The following COLEC12 variants were observed in gnomAD, a reference collection of about 807,000 sequenced individuals.
COLEC12 encodes collectin subfamily member 12.
In COLEC12, 33 loss-of-function variants were observed where a neutral mutation model predicts 71.1. The observed-to-expected ratio is 0.46, with a 90% CI of 0.35 to 0.62. COLEC12 has a LOEUF of 0.62. Ranked by LOEUF, COLEC12 falls within the 20% of genes least tolerant of loss-of-function variation. The pLI is 0.00. For missense variants in COLEC12, 765 were observed against 916.1 expected (o/e 0.84, Z 2.13); for synonymous variants, 350 against 353.0 (o/e 0.99, Z 0.10).
At chr18:453,121 C>G (rs1159365341) in intron 2 of COLEC12, among the ~76,000 whole-genome samples, 1 of 152,164 alleles carries the variant, frequency 6.6e-6, no homozygotes, top group Non-Finnish European at 1.5e-5. Flanking sequence ...GCTTCTTTCT[C>G]CACCCCAGTC....
intron 2 of COLEC12, among the ~76,000 whole-genome samples, chr18:359,108 A>G (rs1273714945): frequency 6.6e-6 from 1 of 152,158 alleles, no homozygotes; most frequent in Non-Finnish European, 1.5e-5. Flanking sequence ...AAAAAATCCT[A>G]TTGATTGGTC....
At position 327,249 on chromosome 18, in the gene COLEC12, A is replaced by T. The variant is rs1039954241; in HGVS notation, c.2063+4419T>A. Among the ~76,000 whole-genome samples the T allele has an allele frequency of 1.3e-5, 2 of 151,990 alleles. No homozygotes were observed. The highest frequency in any genetic ancestry group is 2.4e-5 in the African/African-American group (1 of 41,374). ...TGGAAATAATTATAGGTTTATTATT[A>T]TTTTTTTTAATGCTGAGATTTGCTG... On this transcript the variant is annotated intron_variant, in intron 8 of 9. Transcript: ENST00000400256. This position sits in a 1 kb window ranked among gnomAD's most constrained non-coding sequence, Gnocchi z 4.0.
intron 2 of COLEC12, among the ~76,000 whole-genome samples, chr18:448,978 C>G (rs1190706740): frequency 6.6e-6 from 1 of 152,056 alleles, no homozygotes; most frequent in East Asian, 1.9e-4. Context: ...AAAACAAGGT[C>G]ATTTTTCTAT....
intron 5 of COLEC12, among the ~76,000 whole-genome samples, chr18:341,721 T>C (rs1341034600): frequency 1.3e-5 from 2 of 152,364 alleles, no homozygotes; most frequent in East Asian, 3.9e-4. Context: ...AAGTACTTTC[T>C]TTATATTACA....
At chr18:323,879 A>G (rs907313284) in intron 8 of COLEC12, among the ~76,000 whole-genome samples, 6 of 152,224 alleles carry the variant, frequency 3.9e-5, no homozygotes, top group Admixed American at 3.3e-4. Context: ...TTTTAAGTTA[A>G]ATAAATAAAA....
rs78367630 is a variant in COLEC12, at chr18:354,519, A to C, written c.181+2881T>G. Among the ~76,000 whole-genome samples the C allele has an allele frequency of 1.1e-3, 172 of 152,308 alleles. 1 individual carries two copies. The East Asian group carries it at 0.028, about 24-fold the overall frequency. On this transcript the variant is annotated intron_variant, in intron 3 of 9. Coordinates refer to ENST00000400256, the MANE Select transcript of COLEC12 (RefSeq NM_130386.3). ...TGCCTTATTGTGTTTCTTTCATTGA[A>C]TATTCTTTTCTTTCTTTCTTTTGTA... is the stretch of plus-strand genomic sequence containing the variant.
In COLEC12 at chr18:480,682, G is replaced by A. The variant is rs1308897850; in HGVS notation, c.58+25C>T. ...TGCATCCCAGGTTGACCACTGAGAA[G>A]GAACACAGCTTTGTTAGGACTCACC... On this transcript the variant is annotated intron_variant, in intron 2 of 9. Coordinates refer to ENST00000400256, the MANE Select transcript of COLEC12 (RefSeq NM_130386.3). This position sits in a 1 kb window ranked among gnomAD's most constrained non-coding sequence, Gnocchi z 4.1. 4 of 1,609,820 alleles carry A rather than the reference G, an allele frequency of 2.5e-6. 1 individual carries two copies. In the South Asian group the frequency reaches 4.4e-5, roughly 18 times the overall value.
At chr18:479,277 G>A (rs1014198013) in intron 2 of COLEC12, among the ~76,000 whole-genome samples, 10 of 151,788 alleles carry the variant, frequency 6.6e-5, no homozygotes, top group African/African-American at 1.9e-4. Flanking sequence ...ACAGGAGCAC[G>A]GAGGAGGGGC....
chr18:361,628 GAA>G (rs1243275497), intron 2 of COLEC12, among the ~76,000 whole-genome samples: 3 of 151,964 alleles, frequency 2.0e-5, no homozygotes, highest in African/African-American at 7.2e-5. Flanking sequence ...GGTATAAAAT[GAA>G]AAAAGACTCT....
At chr18:455,907 C>A (rs1440663602) in intron 2 of COLEC12, among the ~76,000 whole-genome samples, 1 of 152,146 alleles carries the variant, frequency 6.6e-6, no homozygotes, top group Middle Eastern at 3.2e-3. Flanking sequence ...TTTCTTTGCC[C>A]ATTCATGGGC....
chr18:356,510 G>A (rs920368714), intron 3 of COLEC12, among the ~76,000 whole-genome samples: 26 of 152,334 alleles, frequency 1.7e-4, no homozygotes, highest in Admixed American at 1.6e-3. Context: ...TGGGAGGAAT[G>A]ACCAGTTGGA....
intron 2 of COLEC12, among the ~76,000 whole-genome samples, chr18:451,354 G>C (rs1460155574): frequency 6.6e-6 from 1 of 152,168 alleles, no homozygotes; most frequent in African/African-American, 2.4e-5. Flanking sequence ...CAAAAGTTTG[G>C]AAAATTTGGG....
At chr18:426,318 T>C (rs1254984654) in intron 2 of COLEC12, among the ~76,000 whole-genome samples, 1 of 152,196 alleles carries the variant, frequency 6.6e-6, no homozygotes, top group Non-Finnish European at 1.5e-5. Flanking sequence ...AAACTAGGCA[T>C]TGCCTAGGAG....
chr18:478,537 C>T (rs1277548309), intron 2 of COLEC12, among the ~76,000 whole-genome samples: 1 of 152,172 alleles, frequency 6.6e-6, no homozygotes, highest in African/African-American at 2.4e-5. Flanking sequence ...TGCTTGAGCC[C>T]AGGAATTCAA....
At chr18:463,290 C>G (rs921856785) in intron 2 of COLEC12, among the ~76,000 whole-genome samples, 4 of 152,124 alleles carry the variant, frequency 2.6e-5, no homozygotes, top group Non-Finnish European at 4.4e-5. Flanking sequence ...TCATTTTCCC[C>G]CCAGTCATAA....
In COLEC12 at chr18:337,502, A is replaced by T. The variant is rs16942859; in HGVS notation, c.1328-2272T>A. 4.6e-3 allele frequency among the ~76,000 whole-genome samples: 705 copies of T among 152,316 alleles called. 6 individuals are homozygous for T. The highest frequency in any genetic ancestry group is 0.016 in the African/African-American group (670 of 41,574). On this transcript the variant is annotated intron_variant, in intron 5 of 9. Coordinates refer to ENST00000400256, the MANE Select transcript of COLEC12 (RefSeq NM_130386.3). ...ACCCATATCTTGCTCACAGATTTAT[A>T]AGCAGGACCCTCTTCCAGTGGTAAA... is the stretch of plus-strand genomic sequence containing the variant.
rs1311932410 is a variant in COLEC12, at chr18:412,814, G to A, written c.59-55292C>T. Among the ~76,000 whole-genome samples the A allele has an allele frequency of 2.0e-5, 3 of 152,088 alleles. No individual in the cohort carries two copies. The East Asian group carries it at 5.8e-4, about 29-fold the overall frequency. The stretch of plus-strand genomic sequence containing the variant: ...GCAACCACTAAAAAAGTCATGCAAA[G>A]GGACTCACTAGAAACCACTATAGAT... On this transcript the variant is annotated intron_variant, in intron 2 of 9. Coordinates refer to ENST00000400256, the MANE Select transcript of COLEC12 (RefSeq NM_130386.3).
In COLEC12 at chr18:408,616, A is replaced by G. The variant is rs1209641799; in HGVS notation, c.59-51094T>C. 2.6e-5 allele frequency among the ~76,000 whole-genome samples: 4 copies of G among 152,092 alleles called. No homozygotes were observed. The highest frequency in any genetic ancestry group is 9.7e-5 in the African/African-American group (4 of 41,436). ...TACCAAATATTGAGAAAAAGGAAAA[A>G]AAAAAAAGACAGGAAAATAAAAGCA... On this transcript the variant is annotated intron_variant, in intron 2 of 9. Transcript: ENST00000400256. This position sits in a 1 kb window ranked among gnomAD's most constrained non-coding sequence, Gnocchi z 4.3.
rs1916233493 is a variant in COLEC12, at chr18:428,181, T to C, written c.58+52526A>G. On this transcript the variant is annotated intron_variant, in intron 2 of 9. Coordinates refer to ENST00000400256, the MANE Select transcript of COLEC12 (RefSeq NM_130386.3). ...CGGGAGGCTGAGGCAGGAGAATCAC[T>C]TGAACCCAAGAGGTGGAGGTTGCGT... Among the ~76,000 whole-genome samples, 5 of 152,068 alleles carry C rather than the reference T, an allele frequency of 3.3e-5. No homozygotes were observed. In the South Asian group the frequency reaches 1.0e-3, roughly 32 times the overall value.
Sources: gnomAD v4.1 joint callset for allele counts (sites outside exome capture counted in the v4.1 genomes callset) on GRCh38, gnomAD v4.1.1 for gene constraint, Gnocchi (gnomAD v3.1) non-coding constraint, MANE v1.5 for transcripts, NCBI Gene and HGNC (gene_info 2026-07-23, HGNC 2026-07-21) for gene names.